Variants in GMEB1 observed in about 807,000 individuals in gnomAD.
GMEB1 encodes the protein glucocorticoid modulatory element binding protein 1, also known as glucocorticoid modulatory element-binding protein 1.
In GMEB1, 6 loss-of-function variants were observed where a neutral mutation model predicts 52.4. The observed-to-expected ratio is 0.11, with a 90% CI of 0.06 to 0.23. The LOEUF (loss-of-function observed/expected upper bound fraction) is 0.23, where lower values mean the gene tolerates loss of function less well. Among genes scored for constraint, GMEB1 ranks in the 10% least tolerant of loss-of-function variants. The pLI is 1.00. For synonymous variants in GMEB1, 255 were observed against 244.9 expected, an observed-to-expected ratio of 1.04 and a Z score of -0.38; for missense variants, 486 against 685.6, an observed-to-expected ratio of 0.71 and a Z score of 3.25.
intron 7 of GMEB1, among the ~76,000 whole-genome samples, chr1:28,703,133 G>A (rs188239190): frequency 2.0e-5 from 3 of 152,268 alleles, no homozygotes; most frequent in Admixed American, 6.5e-5. Flanking sequence ...TGTAGTCTAT[G>A]CTTTTCTTCT....
intron 1 of GMEB1, 60 bp downstream of exon 1, chr1:28,668,899 C>A (rs1321015244): frequency 2.0e-4 from 28 of 140,886 alleles, no homozygotes; most frequent in Non-Finnish European, 4.2e-4. Context: ...GGGGGGCGGG[C>A]GCGGGGGCCG....
intron 1 of GMEB1, among the ~76,000 whole-genome samples, chr1:28,679,752 C>T (rs1176870396): frequency 2.0e-5 from 3 of 151,738 alleles, no homozygotes; most frequent in South Asian, 2.1e-4. Flanking sequence ...ATATCCCTCC[C>T]AGATAGGAAG....
At chr1:28,687,361 C>A (rs1053586047) in intron 2 of GMEB1, among the ~76,000 whole-genome samples, 5 of 46,170 alleles carry the variant, frequency 1.1e-4, no homozygotes, top group South Asian at 8.8e-4. Flanking sequence ...CACACACACA[C>A]ACACACACAC....
Position 28,716,677 on chromosome 1 carries a change from AAAG to A in GMEB1, c.*1908_*1910del, listed in dbSNP as rs1671280874. The A allele has an allele frequency of 6.6e-6, 1 of 151,424 alleles. No individual in the cohort carries two copies. Among genetic ancestry groups the A allele is most frequent in the Admixed American group, 6.6e-5 (1 of 15,190 alleles). 9.4% of individuals were successfully genotyped at this position (151,424 alleles called of 1,614,324 possible). Reference sequence around the variant, plus strand: ...TCTTGAGTGAGCTGGACTCCCTGGGAAAGAAGCATTGTCTGCAACATTATATTA... The same window carrying A: ...TCTTGAGTGAGCTGGACTCCCTGGGAAAGCATTGTCTGCAACATTATATTA... On this transcript the variant is annotated 3_prime_UTR_variant, in exon 10 of 10. Coordinates refer to ENST00000373816, the MANE Select transcript of GMEB1 (RefSeq NM_001319674.2).
At chr1:28,681,631 G>A (rs544725256) in intron 1 of GMEB1, among the ~76,000 whole-genome samples, 21 of 152,248 alleles carry the variant, frequency 1.4e-4, no homozygotes, top group African/African-American at 2.6e-4. Context: ...TCAGAGTGCC[G>A]TGCTTAAGTA....
At chr1:28,697,159 GTACATATATATATATATATATATA>G (rs1246388386) in intron 6 of GMEB1, 75 bp downstream of exon 6, 4 of 190,398 alleles carry the variant, frequency 2.1e-5, no homozygotes, top group African/African-American at 9.5e-5. Flanking sequence ...TCCCTTGTGT[GTACATATATATATATATATATATA>G]TATATATATA....
At chr1:28,705,943 AG>A (rs1670739509) in intron 8 of GMEB1, among the ~76,000 whole-genome samples, 1 of 144,746 alleles carries the variant, frequency 6.9e-6, no homozygotes, top group Non-Finnish European at 1.5e-5. Flanking sequence ...TCACGAGGTC[AG>A]GAGATCGAGA....
chr1:28,707,228 C>T (rs957112476), intron 8 of GMEB1, among the ~76,000 whole-genome samples: 15 of 143,930 alleles, frequency 1.0e-4, no homozygotes, highest in Non-Finnish European at 1.5e-4. Flanking sequence ...ATGATCTGCC[C>T]GCCTCGGCCT....
chr1:28,704,316 C>T lies in GMEB1; in HGVS notation c.855C>T (p.Pro285=). The T allele has an allele frequency of 6.2e-7, 1 of 1,611,976 alleles. No individual in the cohort carries two copies. Among genetic ancestry groups the T allele is most frequent in the Non-Finnish European group, 8.5e-7 (1 of 1,179,048 alleles). ...RGVQQRLIQA[P]FQVTDAAVLN... ...TTCAGCAGCGGCTCATCCAGGCTCC[C>T]TTCCAAGTCACAGGTAAGTGCACTA... is the stretch of plus-strand genomic sequence containing the variant. The change falls in exon 8 of 10, where the codon CCC becomes CCT. Residue 285 remains proline, a synonymous_variant. Coordinates refer to ENST00000373816, the MANE Select transcript of GMEB1 (RefSeq NM_001319674.2).
At chr1:28,692,361 A>T (rs1167114197) in intron 4 of GMEB1, among the ~76,000 whole-genome samples, 1 of 151,916 alleles carries the variant, frequency 6.6e-6, no homozygotes, top group Non-Finnish European at 1.5e-5. Context: ...GTGAAACCCC[A>T]TCTCTACTAA....
At chr1:28,669,423 C>G (rs539233622) in intron 1 of GMEB1, among the ~76,000 whole-genome samples, 2 of 152,160 alleles carry the variant, frequency 1.3e-5, no homozygotes, top group African/African-American at 2.4e-5. Flanking sequence ...GAGACCCTCT[C>G]GGAGCCTTGG....
intron 9 of GMEB1, among the ~76,000 whole-genome samples, chr1:28,711,936 C>T (rs1671078321): frequency 6.6e-6 from 1 of 152,154 alleles, no homozygotes; most frequent in Admixed American, 6.6e-5. Flanking sequence ...TCAGATCACA[C>T]AGGTGAGGCT....
intron 7 of GMEB1, among the ~76,000 whole-genome samples, chr1:28,703,525 C>G (rs1670609690): frequency 6.6e-6 from 1 of 151,864 alleles, no homozygotes; most frequent in Non-Finnish European, 1.5e-5. Context: ...GCCTGGTGTG[C>G]TAGTGCATGC....
Position 28,714,564 on chromosome 1 carries a change from A to G in GMEB1, c.1483A>G (p.Thr495Ala). 1 of 1,614,160 alleles carries G rather than the reference A, an allele frequency of 6.2e-7. No individual in the cohort carries two copies. Among genetic ancestry groups the G allele is most frequent in the Non-Finnish European group, 8.5e-7 (1 of 1,180,026 alleles). The change falls in exon 10 of 10, where the codon ACC becomes GCC. Residue 495 changes from threonine to alanine, a missense_variant. Around this residue, in one of 5 missense-constraint regions of GMEB1, gnomAD observed 153 missense variants for 200.8 expected, o/e 0.76. Transcript: ENST00000373816. ...ATTGGTGGCCATGGAGTCCGGCCTAACCTCGGCAATTCAGGCTGTTGAAAG... is the reference window on the plus strand; with the variant it reads ...ATTGGTGGCCATGGAGTCCGGCCTAGCCTCGGCAATTCAGGCTGTTGAAAG... ...VELVAMESGLTSAIQAVESTS... is the reference protein window; with the variant it reads ...VELVAMESGLASAIQAVESTS...
chr1:28,668,879 G>C lies in GMEB1; in HGVS notation c.-31+40G>C, dbSNP rs900400528. ...GGGTGGGCGCGCGGGCGCGGGGTGG[G>C]GTGGGGGCGGGGGGGCGGGCGCGGG... On this transcript the variant is annotated intron_variant, in intron 1 of 9. Transcript: ENST00000373816. The C allele has an allele frequency of 2.7e-3, 387 of 144,692 alleles. 2 individuals carry two copies. Among genetic ancestry groups the C allele is most frequent in the African/African-American group, 9.2e-3 (373 of 40,566 alleles). 9.0% of individuals were successfully genotyped at this position (144,692 alleles called of 1,614,324 possible).
intron 1 of GMEB1, among the ~76,000 whole-genome samples, chr1:28,675,508 C>T (rs1037099042): frequency 5.3e-5 from 8 of 151,418 alleles, no homozygotes; most frequent in Admixed American, 2.0e-4. Flanking sequence ...GGTGAAACCC[C>T]GTCACTACTA....
chr1:28,672,441 T>C (rs1668937286), intron 1 of GMEB1, among the ~76,000 whole-genome samples: 1 of 141,824 alleles, frequency 7.1e-6, no homozygotes. Context: ...GCCAGGATGA[T>C]CTCCATCTCC....
intron 6 of GMEB1, among the ~76,000 whole-genome samples, chr1:28,699,537 C>T (rs529176732): frequency 1.4e-4 from 21 of 152,012 alleles, no homozygotes; most frequent in African/African-American, 4.8e-4. Flanking sequence ...TCAAGCAATT[C>T]TCCTGCCTCA....
At chr1:28,675,272 C>T (rs1394116314) in intron 1 of GMEB1, among the ~76,000 whole-genome samples, 1 of 152,040 alleles carries the variant, frequency 6.6e-6, no homozygotes, top group African/African-American at 2.4e-5. Flanking sequence ...CTGCCTTGGC[C>T]TCCCAAAGTG....
Sources: allele counts gnomAD v4.1 joint callset (sites outside exome capture counted in the v4.1 genomes callset), GRCh38; gene constraint gnomAD v4.1.1; regional missense constraint gnomAD v4.1.1; transcripts MANE v1.5; gene names NCBI Gene and HGNC (gene_info 2026-07-23, HGNC 2026-07-21).